The following CARMIL1 variants were observed in gnomAD, a reference collection of about 807,000 sequenced individuals.
The protein encoded by CARMIL1 is F-actin-uncapping protein LRRC16A.
In CARMIL1, 90 loss-of-function variants were observed where a neutral mutation model predicts 177.1. That is an observed-to-expected ratio of 0.51 (90% CI 0.43 to 0.61). The LOEUF is 0.61. Among genes scored for constraint, CARMIL1 ranks in the 20% least tolerant of loss-of-function variants. The probability of loss-of-function intolerance (pLI) is 0.00; values close to 1 mark genes in which losing one functional copy is unlikely to be tolerated. For missense variants in CARMIL1, 1,380 were observed against 1,667.0 expected, an observed-to-expected ratio of 0.83 and a Z score of 3.00; for synonymous variants, 577 against 606.2, an observed-to-expected ratio of 0.95 and a Z score of 0.71.
At chr6:25,569,015 A>C (rs1811822805) in intron 29 of CARMIL1, among the ~76,000 whole-genome samples, 1 of 152,240 alleles carries the variant, frequency 6.6e-6, no homozygotes, top group Non-Finnish European at 1.5e-5. Context: ...ACTTTTCATT[A>C]TACCTTGGCT....
intron 12 of CARMIL1, among the ~76,000 whole-genome samples, chr6:25,483,645 A>G (rs1802334752): frequency 7.2e-6 from 1 of 139,182 alleles, no homozygotes; most frequent in Non-Finnish European, 1.5e-5. Context: ...ATGAATTACC[A>G]TGCATCCTAT....
intron 10 of CARMIL1, among the ~76,000 whole-genome samples, chr6:25,471,468 T>C (rs1352835858): frequency 6.6e-6 from 1 of 152,114 alleles, no homozygotes; most frequent in African/African-American, 2.4e-5. Flanking sequence ...CACTTGATAT[T>C]TTTGAGAGTA....
At chr6:25,313,343 A>C (rs1487964084) in intron 2 of CARMIL1, among the ~76,000 whole-genome samples, 1 of 152,280 alleles carries the variant, frequency 6.6e-6, no homozygotes, top group East Asian at 1.9e-4. Flanking sequence ...TTTCTTCTTC[A>C]GATAGAAAGG....
At chr6:25,524,239 C>T (rs1441176592) in intron 23 of CARMIL1, among the ~76,000 whole-genome samples, 3 of 152,086 alleles carry the variant, frequency 2.0e-5, no homozygotes. Flanking sequence ...AGCCCAGGGA[C>T]CAGGATTGCT....
chr6:25,312,630 A>G (rs1377572747), intron 2 of CARMIL1, among the ~76,000 whole-genome samples: 1 of 152,046 alleles, frequency 6.6e-6, no homozygotes, highest in Non-Finnish European at 1.5e-5. Context: ...TGGGAGATTA[A>G]TATTCTGGTG....
intron 27 of CARMIL1, among the ~76,000 whole-genome samples, chr6:25,552,073 T>C (rs1403543598): frequency 6.6e-6 from 1 of 152,166 alleles, no homozygotes; most frequent in Non-Finnish European, 1.5e-5. Flanking sequence ...TTTGTTTTAC[T>C]GAAGCCCCTA....
At chr6:25,471,587 A>G (rs186266167) in intron 10 of CARMIL1, among the ~76,000 whole-genome samples, 278 of 152,320 alleles carry the variant, frequency 1.8e-3, no homozygotes, top group African/African-American at 5.8e-3. Flanking sequence ...AAATGGGGAT[A>G]ATAATAATGC....
intron 4 of CARMIL1, among the ~76,000 whole-genome samples, chr6:25,431,175 G>C (rs1762527970): frequency 6.6e-6 from 1 of 152,010 alleles, no homozygotes; most frequent in Admixed American, 6.6e-5. Context: ...TGATTTCATT[G>C]ATTTTCTATT....
At chr6:25,443,770 G>T (rs1019223985) in intron 5 of CARMIL1, among the ~76,000 whole-genome samples, 1 of 152,034 alleles carries the variant, frequency 6.6e-6, no homozygotes, top group African/African-American at 2.4e-5. Context: ...GACTATCAGG[G>T]TGGTGGTTGC....
chr6:25,404,947 G>A (rs1220650881), intron 2 of CARMIL1, among the ~76,000 whole-genome samples: 1 of 152,158 alleles, frequency 6.6e-6, no homozygotes, highest in African/African-American at 2.4e-5. Flanking sequence ...GGCGGAGGAG[G>A]CACAGCTGTG....
intron 26 of CARMIL1, among the ~76,000 whole-genome samples, chr6:25,542,698 C>T (rs1371032485): frequency 6.6e-6 from 1 of 151,992 alleles, no homozygotes; most frequent in East Asian, 1.9e-4. Context: ...TTAAAATGTT[C>T]TTTTAACTGG....
At position 25,491,758 on chromosome 6, in the gene CARMIL1, A is replaced by G. The variant is rs1458988404; in HGVS notation, c.1092A>G (p.Pro364=). 1 of 1,600,154 alleles carries G rather than the reference A, an allele frequency of 6.2e-7. No individual in the cohort carries two copies. The highest frequency in any genetic ancestry group is 1.1e-5 in the South Asian group (1 of 88,924). The part of the protein sequence containing the change: ...LSHMYNFLAQ[P]NAIVHLDLSN... ...ACATGTATAATTTTTTGGCCCAGCC[A>G]AATGCCATTGTTCATCTGGATTTAT... The change falls in exon 14 of 37, where the codon CCA becomes CCG. Residue 364 remains proline (P), a synonymous_variant. Coordinates refer to ENST00000329474, the MANE Select transcript of CARMIL1 (RefSeq NM_017640.6).
intron 22 of CARMIL1, 86 bp from the exon 23 acceptor site, chr6:25,520,158 C>T (rs1419269122): frequency 1.5e-6 from 1 of 649,084 alleles, no homozygotes; most frequent in Non-Finnish European, 2.6e-6. Context: ...TTGCAGCTAT[C>T]CTTTTGGATT....
chr6:25,611,861 G>T (rs922544051), intron 36 of CARMIL1, among the ~76,000 whole-genome samples: 3 of 152,168 alleles, frequency 2.0e-5, no homozygotes, highest in African/African-American at 7.2e-5. Context: ...GGAGATACTG[G>T]ATACCACTGC....
chr6:25,395,318 ACAGAGTAAATAAGG>A (rs1266518717), intron 2 of CARMIL1, among the ~76,000 whole-genome samples: 1 of 152,248 alleles, frequency 6.6e-6, no homozygotes, highest in Non-Finnish European at 1.5e-5. Flanking sequence ...TGGTTGAGTG[ACAGAGTAAATAAGG>A]CATCTTCTGT....
chr6:25,360,001 CT>C (rs1789019854), intron 2 of CARMIL1, among the ~76,000 whole-genome samples: 2 of 152,304 alleles, frequency 1.3e-5, no homozygotes, highest in Middle Eastern at 3.4e-3. Context: ...GGGAGAACTT[CT>C]TTCTGCAGTT....
chr6:25,606,513 T>G (rs1466571368), intron 35 of CARMIL1, among the ~76,000 whole-genome samples: 1 of 152,220 alleles, frequency 6.6e-6, no homozygotes, highest in East Asian at 1.9e-4. Flanking sequence ...GTCCTTGCTT[T>G]CAGGGGTACA....
intron 2 of CARMIL1, among the ~76,000 whole-genome samples, chr6:25,341,053 A>G (rs1274385547): frequency 6.6e-6 from 1 of 152,090 alleles, no homozygotes; most frequent in African/African-American, 2.4e-5. Flanking sequence ...AGCTCATGTT[A>G]ATATACTGTG....
intron 29 of CARMIL1, among the ~76,000 whole-genome samples, chr6:25,578,746 C>G (rs1812833122): frequency 6.6e-6 from 1 of 151,982 alleles, no homozygotes; most frequent in Admixed American, 6.6e-5. Flanking sequence ...GCCAAAACTT[C>G]AGAACTACAA....
Sources: allele counts gnomAD v4.1 joint callset (sites outside exome capture counted in the v4.1 genomes callset), GRCh38; gene constraint gnomAD v4.1.1; transcripts MANE v1.5; gene names NCBI Gene and HGNC (gene_info 2026-07-23, HGNC 2026-07-21).